GRIK4: variants seen among roughly 807,000 people sequenced by gnomAD.
GRIK4 encodes the protein glutamate receptor ionotropic, kainate 4.
GRIK4 carries 40 observed loss-of-function variants against 104.9 expected under a neutral mutation model. The ratio of observed to expected loss-of-function variants is 0.38; its 90% CI spans 0.30 to 0.50. The LOEUF (loss-of-function observed/expected upper bound fraction) is 0.50. Among genes scored for constraint, GRIK4 ranks in the 20% least tolerant of loss-of-function variants. The pLI is 0.93. For synonymous variants in GRIK4, 485 were observed against 524.9 expected (o/e 0.92, Z 1.04); for missense variants, 1,047 against 1,308.1 (o/e 0.80, Z 3.08).
intron 9 of GRIK4, chr11:120,873,567 A>T (rs558110984): frequency 6.5e-6 from 1 of 153,394 alleles, no homozygotes; most frequent in East Asian, 1.9e-4. Flanking sequence ...ATCAAGTTGT[A>T]CAGTACAAAG....
At chr11:120,561,985 G>A (rs1948243865) in intron 1 of GRIK4, among the ~76,000 whole-genome samples, 1 of 152,188 alleles carries the variant, frequency 6.6e-6, no homozygotes, top group Admixed American at 6.5e-5. Context: ...CCAGAAGGAT[G>A]TCGTGTTCTT....
chr11:120,762,416 A>G (rs1438609365), intron 3 of GRIK4, among the ~76,000 whole-genome samples: 1 of 152,174 alleles, frequency 6.6e-6, no homozygotes, highest in Non-Finnish European at 1.5e-5. Context: ...CTCTCTTCCT[A>G]TTTGAATACC....
In GRIK4 at chr11:120,903,875, C is replaced by T. The variant is rs537773189; in HGVS notation, c.1273-1415C>T. 1.1e-4 allele frequency among the ~76,000 whole-genome samples: 16 copies of T among 152,174 alleles called. No individual in the cohort carries two copies. Among genetic ancestry groups the T allele is most frequent in the African/African-American group, 2.9e-4 (12 of 41,442 alleles). ...CCCACCACGCCTGCCTTCAAAAGGT[C>T]GGCAGTGACACATGATCAACACGCT... is the stretch of plus-strand genomic sequence containing the variant. On this transcript the variant is annotated intron_variant, in intron 12 of 20. Coordinates refer to ENST00000527524, the MANE Select transcript of GRIK4 (RefSeq NM_014619.5). This position sits in a 1 kb window ranked among gnomAD's most constrained non-coding sequence, Gnocchi z 4.4.
In GRIK4 at chr11:120,940,334, C is replaced by G; in HGVS notation, c.1477-13C>G. On this transcript the variant is annotated splice_polypyrimidine_tract_variant and intron_variant, in intron 13 of 20. Transcript: ENST00000527524. This position sits in a 1 kb window ranked among gnomAD's most constrained non-coding sequence, Gnocchi z 4.3. ...TGGCCACCCCACTGACGGGCTGTCTCTGTTCTTTTCAGAAAGCAGATCTGG... is the reference window on the plus strand; with the variant it reads ...TGGCCACCCCACTGACGGGCTGTCTGTGTTCTTTTCAGAAAGCAGATCTGG... The G allele has an allele frequency of 6.4e-7, 1 of 1,571,268 alleles. No individual in the cohort carries two copies. The highest frequency in any genetic ancestry group is 8.8e-7 in the Non-Finnish European group (1 of 1,142,504).
intron 8 of GRIK4, among the ~76,000 whole-genome samples, chr11:120,857,240 G>A (rs1954128384): frequency 6.6e-6 from 1 of 152,202 alleles, no homozygotes; most frequent in Non-Finnish European, 1.5e-5. Context: ...TGAACAGGCT[G>A]TAGACCCATA....
intron 6 of GRIK4, among the ~76,000 whole-genome samples, chr11:120,820,241 C>G (rs1474405136): frequency 6.6e-6 from 1 of 152,190 alleles, no homozygotes; most frequent in Non-Finnish European, 1.5e-5. Context: ...TACAAGGAGA[C>G]TGGCCAACCG....
intron 3 of GRIK4, among the ~76,000 whole-genome samples, chr11:120,694,095 C>T (rs1187588778): frequency 6.6e-6 from 1 of 152,170 alleles, no homozygotes; most frequent in African/African-American, 2.4e-5. Context: ...ACTGCAAGTG[C>T]CCATGGCATC....
chr11:120,577,848 G>A (rs1011583150), intron 1 of GRIK4, among the ~76,000 whole-genome samples: 2 of 152,164 alleles, frequency 1.3e-5, no homozygotes, highest in South Asian at 2.1e-4. Context: ...AAGTGGTGTT[G>A]GAGCAGCATC....
chr11:120,742,542 G>A (rs1951355510), intron 3 of GRIK4, among the ~76,000 whole-genome samples: 3 of 150,012 alleles, frequency 2.0e-5, no homozygotes, highest in Admixed American at 1.3e-4. Flanking sequence ...TTTTGAGATG[G>A]AGTCTTGCTC....
intron 1 of GRIK4, among the ~76,000 whole-genome samples, chr11:120,559,084 G>A (rs1324383284): frequency 6.6e-6 from 1 of 152,200 alleles, no homozygotes; most frequent in Non-Finnish European, 1.5e-5. Flanking sequence ...GCTGGGGGTT[G>A]GCTGCTGACA....
intron 4 of GRIK4, among the ~76,000 whole-genome samples, chr11:120,805,465 G>A (rs1481176443): frequency 6.6e-6 from 1 of 152,170 alleles, no homozygotes; most frequent in Non-Finnish European, 1.5e-5. Context: ...TGAATCAGGG[G>A]AATAAAGGAA....
chr11:120,645,776 C>T (rs2135208665), intron 1 of GRIK4, among the ~76,000 whole-genome samples: 1 of 152,346 alleles, frequency 6.6e-6, no homozygotes, highest in African/African-American at 2.4e-5. Context: ...CCCTTGCCTG[C>T]TGGCTGGGTC....
At chr11:120,877,733 C>T (rs1444647666) in intron 11 of GRIK4, among the ~76,000 whole-genome samples, 7 of 151,870 alleles carry the variant, frequency 4.6e-5, no homozygotes, top group Admixed American at 1.3e-4. Flanking sequence ...AAAAAGAAAA[C>T]GGGGAAAGGA....
intron 3 of GRIK4, among the ~76,000 whole-genome samples, chr11:120,759,980 TC>T (rs1318942996): frequency 6.6e-6 from 1 of 152,130 alleles, no homozygotes; most frequent in Non-Finnish European, 1.5e-5. Flanking sequence ...GCAGCTAAAA[TC>T]TACTTATTTA....
At chr11:120,702,087 C>T (rs1181171016) in intron 3 of GRIK4, among the ~76,000 whole-genome samples, 1 of 151,586 alleles carries the variant, frequency 6.6e-6, no homozygotes, top group Admixed American at 6.6e-5. Context: ...ACCCGAGTAG[C>T]TGGGACTACA....
At position 120,942,170 on chromosome 11, in the gene GRIK4, G is replaced by A. The variant is rs1943741026; in HGVS notation, c.1590+1710G>A. Among the ~76,000 whole-genome samples the A allele has an allele frequency of 3.9e-5, 6 of 152,320 alleles. No individual in the cohort carries two copies. The South Asian group carries it at 1.2e-3, about 32-fold the overall frequency. On this transcript the variant is annotated intron_variant, in intron 14 of 20. Coordinates refer to ENST00000527524, the MANE Select transcript of GRIK4 (RefSeq NM_014619.5). ...TTGGTCCTCAAGATGGTTCTTTGGG[G>A]GAAAGGGGGCAGGTATGATAATTCC...
chr11:120,796,849 C>T (rs1353606141), intron 3 of GRIK4, among the ~76,000 whole-genome samples: 1 of 135,006 alleles, frequency 7.4e-6, no homozygotes, highest in African/African-American at 2.8e-5. Flanking sequence ...CTCGGGGTCG[C>T]CACGGCCACA....
chr11:120,616,944 T>C (rs1350458040), intron 1 of GRIK4, among the ~76,000 whole-genome samples: 2 of 152,168 alleles, frequency 1.3e-5, no homozygotes, highest in Non-Finnish European at 2.9e-5. Flanking sequence ...AGGGGACTTT[T>C]TTAAGAGGCT....
chr11:120,862,247 A>G, intron 9 of GRIK4, 127 bp downstream of exon 9: 3 of 802,040 alleles, frequency 3.7e-6, no homozygotes, highest in Non-Finnish European at 6.1e-6. Context: ...CAGCTCAGAA[A>G]GGGAGGTAGA....
Sources: allele counts gnomAD v4.1 joint callset (sites outside exome capture counted in the v4.1 genomes callset), GRCh38; gene constraint gnomAD v4.1.1; non-coding constraint Gnocchi (gnomAD v3.1); transcripts MANE v1.5; gene names NCBI Gene and HGNC (gene_info 2026-07-23, HGNC 2026-07-21).